Variants in SGCD observed in about 807,000 individuals in gnomAD.
SGCD encodes sarcoglycan delta.
Under a neutral mutation model 36.6 loss-of-function variants are expected in SGCD, and 18 were observed. That is an observed-to-expected ratio of 0.49 (90% CI 0.34 to 0.73). SGCD has a LOEUF of 0.73. SGCD is among the 30% of genes least tolerant of loss of function. The probability of loss-of-function intolerance (pLI) is 0.01; values close to 1 mark genes in which losing one functional copy is unlikely to be tolerated. For synonymous variants in SGCD, 133 were observed against 130.6 expected, an observed-to-expected ratio of 1.02 and a Z score of -0.12; for missense variants, 387 against 346.7, an observed-to-expected ratio of 1.12 and a Z score of -0.92.
At chr5:156,291,339 T>C (rs1434482514) in intron 3 of SGCD, among the ~76,000 whole-genome samples, 1 of 152,110 alleles carries the variant, frequency 6.6e-6, no homozygotes, top group Non-Finnish European at 1.5e-5. Flanking sequence ...ATGCTATGCA[T>C]GTAAAAAACA....
chr5:156,025,121 G>A (rs1161712513), intron 1 of SGCD, among the ~76,000 whole-genome samples: 1 of 152,146 alleles, frequency 6.6e-6, no homozygotes, highest in Non-Finnish European at 1.5e-5. Context: ...ATGGTAGTGG[G>A]AGGACTTTCC....
At chr5:156,299,420 T>C (rs1390429720) in intron 3 of SGCD, among the ~76,000 whole-genome samples, 1 of 152,168 alleles carries the variant, frequency 6.6e-6, no homozygotes, top group Non-Finnish European at 1.5e-5. Context: ...TTCTGGGTCT[T>C]TTGTGGTTCC....
At chr5:156,720,066 T>C (rs1755420071) in intron 7 of SGCD, among the ~76,000 whole-genome samples, 1 of 152,136 alleles carries the variant, frequency 6.6e-6, no homozygotes, top group Non-Finnish European at 1.5e-5. Flanking sequence ...CCCTGCCTTC[T>C]CTGCAGGAGG....
At chr5:156,080,957 C>A (rs932187354) in intron 1 of SGCD, among the ~76,000 whole-genome samples, 2 of 152,128 alleles carry the variant, frequency 1.3e-5, no homozygotes, top group African/African-American at 4.8e-5. Context: ...CTCCTGGTAC[C>A]AATTTTATGT....
intron 1 of SGCD, among the ~76,000 whole-genome samples, chr5:156,037,832 TAAA>T (rs766052081): frequency 2.2e-4 from 33 of 152,132 alleles, no homozygotes; most frequent in Non-Finnish European, 4.7e-4. Flanking sequence ...GTAATCATGC[TAAA>T]AAAGCTCTTT....
chr5:156,722,130 C>T lies in SGCD; in HGVS notation c.576-35451C>T, dbSNP rs1229231709. Among the ~76,000 whole-genome samples, 3 of 152,152 alleles carry T rather than the reference C, an allele frequency of 2.0e-5. No individual in the cohort carries two copies. In the South Asian group the frequency reaches 6.2e-4, roughly 32 times the overall value. ...ACTGGCGAAGTAATTTAGGAAGGAA[C>T]GCCATTCTGCTGACTAACTCAGAAG... On this transcript the variant is annotated intron_variant, in intron 7 of 8. Transcript: ENST00000337851.
chr5:156,104,528 G>A (rs1350573857), intron 1 of SGCD, among the ~76,000 whole-genome samples: 3 of 152,084 alleles, frequency 2.0e-5, no homozygotes, highest in African/African-American at 2.4e-5. Flanking sequence ...TCTGGATTTA[G>A]GTCATTGGGG....
intron 7 of SGCD, among the ~76,000 whole-genome samples, chr5:156,653,493 C>CTGTTTTTTTTTTTTTT (rs1763544872): frequency 2.1e-5 from 1 of 48,082 alleles, no homozygotes; most frequent in Non-Finnish European, 4.0e-5. Context: ...CTAAAGCTTG[C>CTGTTTTTTTTTTTTTT]TTTTTTTTTT....
chr5:156,402,076 G>A lies in SGCD; in HGVS notation c.192+57399G>A, dbSNP rs556044444. Among the ~76,000 whole-genome samples, 13 of 152,242 alleles carry A rather than the reference G, an allele frequency of 8.5e-5. 1 individual carries two copies. The highest frequency in any genetic ancestry group is 3.1e-4 in the African/African-American group (13 of 41,540). On this transcript the variant is annotated intron_variant, in intron 3 of 8. Coordinates refer to ENST00000337851, the MANE Select transcript of SGCD (RefSeq NM_000337.6). The stretch of plus-strand genomic sequence containing the variant: ...AACATAATGTCATGAAGGTTTATCC[G>A]TGTTGTAGTATGTATCAAAATTTCA...
At chr5:155,931,903 T>C (rs1009772732) in intron 1 of SGCD, among the ~76,000 whole-genome samples, 2 of 152,186 alleles carry the variant, frequency 1.3e-5, no homozygotes, top group African/African-American at 2.4e-5. Flanking sequence ...CACTGGCATA[T>C]TCAGTGTCTG....
At chr5:156,394,200 G>A (rs914484939) in intron 3 of SGCD, among the ~76,000 whole-genome samples, 40 of 152,274 alleles carry the variant, frequency 2.6e-4, no homozygotes, top group Middle Eastern at 3.4e-3. Context: ...TGTTTGGGGG[G>A]TGGTGGGAAG....
At chr5:156,407,234 C>T (rs973180295) in intron 3 of SGCD, among the ~76,000 whole-genome samples, 1 of 152,144 alleles carries the variant, frequency 6.6e-6, no homozygotes, top group Admixed American at 6.5e-5. Flanking sequence ...CAGCATTAGC[C>T]ATCACACCTG....
intron 3 of SGCD, among the ~76,000 whole-genome samples, chr5:156,293,974 C>A (rs556648929): frequency 5.3e-5 from 8 of 152,078 alleles, no homozygotes; most frequent in Non-Finnish European, 1.0e-4. Context: ...ACATGAGGTG[C>A]GTTTCCATTT....
At chr5:156,542,582 T>A (rs1352205919) in intron 4 of SGCD, among the ~76,000 whole-genome samples, 1 of 152,228 alleles carries the variant, frequency 6.6e-6, no homozygotes, top group Non-Finnish European at 1.5e-5. Flanking sequence ...ATTCATGTAA[T>A]GCTCCTAGTA....
At chr5:156,693,176 T>C (rs1220827995) in intron 7 of SGCD, among the ~76,000 whole-genome samples, 1 of 152,328 alleles carries the variant, frequency 6.6e-6, no homozygotes, top group South Asian at 2.1e-4. Context: ...GATGTTCCAT[T>C]TGGTAGATTT....
intron 6 of SGCD, among the ~76,000 whole-genome samples, chr5:156,603,727 T>C (rs1833609): frequency 0.067 from 10,169 of 152,136 alleles, 780 homozygotes; most frequent in East Asian, 0.22. Context: ...TTTCTTCTAG[T>C]TGATTTCTAG....
chr5:156,140,778 A>C (rs1184176484), intron 3 of SGCD, among the ~76,000 whole-genome samples: 1 of 152,232 alleles, frequency 6.6e-6, no homozygotes, highest in Non-Finnish European at 1.5e-5. Context: ...AGAGAAAACC[A>C]AGGGTGTGCC....
At chr5:156,745,990 T>C (rs1756921837) in intron 7 of SGCD, among the ~76,000 whole-genome samples, 1 of 147,766 alleles carries the variant, frequency 6.8e-6, no homozygotes, top group African/African-American at 2.5e-5. Context: ...TATCCTAAAG[T>C]GAAGAAAGAC....
At chr5:156,346,034 C>A (rs1443542817) in intron 3 of SGCD, among the ~76,000 whole-genome samples, 1 of 151,964 alleles carries the variant, frequency 6.6e-6, no homozygotes, top group Admixed American at 6.5e-5. Flanking sequence ...ATTTCCCAGA[C>A]AAACTGAACT....
Sources: allele counts gnomAD v4.1 joint callset (sites outside exome capture counted in the v4.1 genomes callset), GRCh38; gene constraint gnomAD v4.1.1; transcripts MANE v1.5; gene names NCBI Gene and HGNC (gene_info 2026-07-23, HGNC 2026-07-21).